EBF4: variants seen among roughly 807,000 people sequenced by gnomAD.
The protein encoded by EBF4 is transcription factor COE4.
A neutral mutation model predicts 67.1 loss-of-function variants in EBF4; 34 were observed. The ratio of observed to expected loss-of-function variants is 0.51; its 90% CI spans 0.39 to 0.67. The LOEUF (loss-of-function observed/expected upper bound fraction) is 0.67, where lower values mean the gene tolerates loss of function less well. EBF4 is among the 30% of genes least tolerant of loss of function. The pLI is 0.00. For synonymous variants in EBF4, 387 were observed against 377.7 expected, an observed-to-expected ratio of 1.02 and a Z score of -0.29; for missense variants, 837 against 873.3, an observed-to-expected ratio of 0.96 and a Z score of 0.52.
rs1204383658 is a variant in EBF4, at chr20:2,749,990, G to C, written c.1018+17G>C. On this transcript the variant is annotated intron_variant, in intron 10 of 16. Coordinates refer to ENST00000609451, the Ensembl canonical transcript of EBF4. Reference sequence around the variant, plus strand: ...TCTACACAGGTAAGGAGTCGGGCGGGGGAGTGGAGGTCTAAGGTGCGCGGA... The same window carrying C: ...TCTACACAGGTAAGGAGTCGGGCGGCGGAGTGGAGGTCTAAGGTGCGCGGA... 6.5e-7 allele frequency: 1 copy of C among 1,543,408 alleles called. No homozygotes were observed.
At position 2,737,025 on chromosome 20, in the gene EBF4, A is replaced by G. The variant is rs375293095; in HGVS notation, c.558-11524A>G. ...AGCACTTTGGGAGGCCAAGGTGGGC[A>G]GATCACAAGGTCAGGAGATGGAGAC... On this transcript the variant is annotated intron_variant, in intron 6 of 16. Coordinates refer to ENST00000609451, the Ensembl canonical transcript of EBF4. Among the ~76,000 whole-genome samples the G allele has an allele frequency of 5.5e-3, 835 of 151,882 alleles. 7 individuals carry two copies. Among genetic ancestry groups the G allele is most frequent in the East Asian group, 0.019 (99 of 5,120 alleles).
intron 6 of EBF4, among the ~76,000 whole-genome samples, chr20:2,717,272 A>G (rs1420831840): frequency 6.6e-6 from 1 of 152,228 alleles, no homozygotes; most frequent in Non-Finnish European, 1.5e-5. Context: ...TCTAGGCTTT[A>G]GGAATACAAG....
chr20:2,720,423 C>T (rs1461512014), intron 6 of EBF4, among the ~76,000 whole-genome samples: 2 of 152,034 alleles, frequency 1.3e-5, no homozygotes, highest in Non-Finnish European at 1.5e-5. Context: ...TCTTTTTCTT[C>T]ATTTTTTTTC....
intron 6 of EBF4, among the ~76,000 whole-genome samples, chr20:2,719,716 A>G (rs1211894513): frequency 6.6e-6 from 1 of 152,004 alleles, no homozygotes; most frequent in Non-Finnish European, 1.5e-5. Flanking sequence ...TTCATTATTA[A>G]TTTCTAATTT....
In EBF4 at chr20:2,705,807, A is replaced by ACC. The variant is rs1435629931; in HGVS notation, c.294+75_294+76insCC. 7 of 1,317,336 alleles carry ACC rather than the reference A, an allele frequency of 5.3e-6. No homozygotes were observed. The African/African-American group carries it at 6.2e-5, about 12-fold the overall frequency. 81.6% of individuals were successfully genotyped at this position (1,317,336 alleles called of 1,614,324 possible). A position where few individuals can be genotyped will look rare whatever the true frequency, so the allele number is the denominator to read the frequency against. On this transcript the variant is annotated intron_variant, in intron 2 of 16. Transcript: ENST00000609451. ...CAACCACACACACACACACACACAC[A>ACC]CACACACACACACACACACACACAC...
At chr20:2,730,343 T>G (rs543521566) in intron 6 of EBF4, among the ~76,000 whole-genome samples, 18 of 152,292 alleles carry the variant, frequency 1.2e-4, no homozygotes, top group African/African-American at 4.1e-4. Context: ...ATCCCTGCCT[T>G]CATCTTCACA....
Position 2,755,731 on chromosome 20 carries a change from G to T in EBF4, c.1645G>T (p.Ala549Ser). The change falls in exon 15 of 17, where the codon GCC becomes TCC. Residue 549 changes from alanine to serine, a missense_variant. Around this residue, in one of 3 missense-constraint regions of EBF4, gnomAD observed 525 missense variants for 496.5 expected, o/e 1.06. Transcript: ENST00000609451. The surrounding 1 kb of genome is among the most constrained non-coding windows in gnomAD (Gnocchi z 4.7). Reference sequence around the variant, plus strand: ...CTTCTCGCCTGTCAACATGATCTCCGCCGTCAAACAGAGGAGCGCCTTCGC... The same window carrying T: ...CTTCTCGCCTGTCAACATGATCTCCTCCGTCAAACAGAGGAGCGCCTTCGC... The T allele has an allele frequency of 6.4e-7, 1 of 1,550,510 alleles. No homozygotes were observed. The highest frequency in any genetic ancestry group is 8.7e-7 in the Non-Finnish European group (1 of 1,146,812).
chr20:2,749,857 C>T, exon 10 of EBF4: 1 of 1,550,234 alleles, frequency 6.5e-7, no homozygotes, highest in Non-Finnish European at 8.7e-7. Flanking sequence ...CTCATCACGC[C>T]CCACGCCATC....
chr20:2,746,133 C>T (rs895520525), intron 6 of EBF4, among the ~76,000 whole-genome samples: 4 of 152,066 alleles, frequency 2.6e-5, no homozygotes, highest in African/African-American at 7.2e-5. Flanking sequence ...AGGAACATGT[C>T]GCACATGTGG....
At chr20:2,753,924 G>T (rs2088196865) in intron 14 of EBF4, among the ~76,000 whole-genome samples, 1 of 136,096 alleles carries the variant, frequency 7.3e-6, no homozygotes. Flanking sequence ...CTTCCCTTCA[G>T]TTCTGGGGCA....
intron 1 of EBF4, among the ~76,000 whole-genome samples, chr20:2,694,747 G>A (rs754829967): frequency 1.5e-4 from 23 of 152,070 alleles, no homozygotes; most frequent in Admixed American, 3.3e-4. Context: ...CCTGACACAG[G>A]AGCCCACATT....
At chr20:2,735,286 C>T (rs1277079243) in intron 6 of EBF4, among the ~76,000 whole-genome samples, 1 of 152,218 alleles carries the variant, frequency 6.6e-6, no homozygotes, top group African/African-American at 2.4e-5. Flanking sequence ...CACTCTACCC[C>T]TTCCTATGGT....
chr20:2,752,110 G>A (rs2088158819), exon 13 of EBF4: 4 of 1,463,378 alleles, frequency 2.7e-6, no homozygotes, highest in African/African-American at 1.5e-5. Flanking sequence ...GCGCGCGGCG[G>A]ACGTGGCCGA....
At chr20:2,733,786 A>G (rs2087844790) in intron 6 of EBF4, among the ~76,000 whole-genome samples, 1 of 151,834 alleles carries the variant, frequency 6.6e-6, no homozygotes, top group Non-Finnish European at 1.5e-5. Context: ...CCACACATAA[A>G]ATACATTAAT....
chr20:2,706,362 C>G (rs2146386376), intron 4 of EBF4, 98 bp downstream of exon 4: 1 of 1,378,768 alleles, frequency 7.3e-7, no homozygotes, highest in South Asian at 1.3e-5. Flanking sequence ...GCCCTCATCT[C>G]CCTATGCCCT....
At position 2,747,485 on chromosome 20, in the gene EBF4, T is replaced by C. The variant is rs74613219; in HGVS notation, c.558-1064T>C. 2.4e-3 allele frequency among the ~76,000 whole-genome samples: 367 copies of C among 152,286 alleles called. 6 individuals are homozygous for C. Among genetic ancestry groups the C allele is most frequent in the Admixed American group, 0.02 (305 of 15,300 alleles). On this transcript the variant is annotated intron_variant, in intron 6 of 16. Transcript: ENST00000609451. This position sits in a 1 kb window ranked among gnomAD's most constrained non-coding sequence, Gnocchi z 4.6. ...TCTAAAAAGCAACCTCATCAGCGCA[T>C]ATGTGTTTTTTTCCCAATAACTCTA...
chr20:2,699,410 C>T (rs1473388621), intron 1 of EBF4, among the ~76,000 whole-genome samples: 1 of 152,186 alleles, frequency 6.6e-6, no homozygotes, highest in African/African-American at 2.4e-5. Flanking sequence ...GTGTCTCAAA[C>T]AGTCTCCTTT....
chr20:2,693,565 G>T (rs1294019148), upstream of EBF4: 17 of 1,289,336 alleles, frequency 1.3e-5, no homozygotes, highest in Non-Finnish European at 1.6e-5. This position sits in a 1 kb window ranked among gnomAD's most constrained non-coding sequence, Gnocchi z 4.6. Flanking sequence ...TGGTGCCGTC[G>T]GGTCGGGCTG....
At chr20:2,732,143 A>G (rs1247909720) in intron 6 of EBF4, among the ~76,000 whole-genome samples, 1 of 150,768 alleles carries the variant, frequency 6.6e-6, no homozygotes, top group African/African-American at 2.4e-5. Context: ...ACTCCAGTTG[A>G]CCAGGCTAGA....
Sources: allele counts gnomAD v4.1 joint callset (sites outside exome capture counted in the v4.1 genomes callset), GRCh38; gene constraint gnomAD v4.1.1; regional missense constraint gnomAD v4.1.1; non-coding constraint Gnocchi (gnomAD v3.1); transcripts MANE v1.5; gene names NCBI Gene and HGNC (gene_info 2026-07-23, HGNC 2026-07-21).